Variants in ICE1 observed in about 807,000 individuals in gnomAD.
The protein encoded by ICE1 is interactor of little elongation complex ELL subunit 1, also known as little elongation complex subunit 1.
In ICE1, 64 loss-of-function variants were observed where a neutral mutation model predicts 192.7. That is an observed-to-expected ratio of 0.33 (90% CI 0.27 to 0.41). The LOEUF is 0.41. ICE1 is among the 10% of genes least tolerant of loss of function. ICE1 has a pLI of 1.00. For synonymous variants in ICE1, 1,010 were observed against 984.5 expected, an observed-to-expected ratio of 1.03 and a Z score of -0.49; for missense variants, 2,708 against 2,696.0, an observed-to-expected ratio of 1.00 and a Z score of -0.10.
intron 11 of ICE1, among the ~76,000 whole-genome samples, chr5:5,456,680 G>A (rs1738591978): frequency 6.6e-6 from 1 of 151,990 alleles, no homozygotes; most frequent in Non-Finnish European, 1.5e-5. Context: ...CCTATCCAAG[G>A]AGCCCTGGAT....
At position 5,461,155 on chromosome 5, in the gene ICE1, A is replaced by T. The variant is rs1455815104; in HGVS notation, c.1821A>T (p.Ser607=). Residue 607 remains serine (S), a synonymous_variant, in exon 13 of 19, where the codon TCA becomes TCT. Transcript: ENST00000296564. ...EDTQGFTLGE[S]PESEDDDSGD... is the part of the protein sequence containing the mutation. Reference sequence around the variant, plus strand: ...CTCAAGGGTTCACTTTAGGAGAATCACCTGAATCAGAAGATGATGACTCAG... The same window carrying T: ...CTCAAGGGTTCACTTTAGGAGAATCTCCTGAATCAGAAGATGATGACTCAG... 1 of 1,613,936 alleles carries T rather than the reference A, an allele frequency of 6.2e-7. No individual in the cohort carries two copies. Among genetic ancestry groups the T allele is most frequent in the African/African-American group, 1.3e-5 (1 of 74,948 alleles).
intron 17 of ICE1, among the ~76,000 whole-genome samples, chr5:5,477,553 G>C (rs923323795): frequency 6.6e-6 from 1 of 152,152 alleles, no homozygotes; most frequent in Non-Finnish European, 1.5e-5. Flanking sequence ...AATTTTACCA[G>C]AGGTACAAAG....
chr5:5,483,162 T>C (rs1361965137), intron 17 of ICE1, among the ~76,000 whole-genome samples: 2 of 151,978 alleles, frequency 1.3e-5, no homozygotes, highest in Admixed American at 1.3e-4. Context: ...GGCTAATTTT[T>C]TGTTGTTTTT....
In ICE1 at chr5:5,473,645, A is replaced by G; in HGVS notation, c.6310A>G (p.Lys2104Glu). 6.2e-7 allele frequency: 1 copy of G among 1,613,592 alleles called. No individual in the cohort carries two copies. Residue 2104 changes from lysine to glutamate, a missense_variant, in exon 16 of 19, where the codon AAA becomes GAA. Physicochemically the swap from Lys to Glu is moderately conservative, Grantham distance 56. Coordinates refer to ENST00000296564, the MANE Select transcript of ICE1 (RefSeq NM_015325.3). ...CPKTEFQPSE[K>E]FGEDLSDNTW... ...AAAAACAGAATTTCAACCTAGTGAA[A>G]AATTTGGTGAAGACCTAAGTGATAA...
In ICE1 at chr5:5,462,628, A is replaced by T. The variant is rs746261935; in HGVS notation, c.3294A>T (p.Thr1098=). 1 of 1,613,984 alleles carries T rather than the reference A, an allele frequency of 6.2e-7. No homozygotes were observed. Among genetic ancestry groups the T allele is most frequent in the Admixed American group, 1.7e-5 (1 of 60,022 alleles). ...SSLPGTLHCY[T]GIREGGDDTE... Reference sequence around the variant, plus strand: ...TGCCTGGTACCTTACATTGTTACACAGGCATTCGAGAGGGGGGAGACGACA... The same window carrying T: ...TGCCTGGTACCTTACATTGTTACACTGGCATTCGAGAGGGGGGAGACGACA... Residue 1098 remains threonine, a synonymous_variant, in exon 13 of 19, where the codon ACA becomes ACT. Coordinates refer to ENST00000296564, the MANE Select transcript of ICE1 (RefSeq NM_015325.3).
At chr5:5,434,882 T>C (rs1737824586) in intron 1 of ICE1, among the ~76,000 whole-genome samples, 1 of 152,218 alleles carries the variant, frequency 6.6e-6, no homozygotes, top group African/African-American at 2.4e-5. Flanking sequence ...CATTTCCTGA[T>C]ATGAAAAAGG....
intron 17 of ICE1, among the ~76,000 whole-genome samples, chr5:5,481,418 G>T (rs1739501780): frequency 6.6e-6 from 1 of 152,104 alleles, no homozygotes; most frequent in South Asian, 2.1e-4. Context: ...TGCGTTTATA[G>T]AGGAGGGTCA....
intron 18 of ICE1, among the ~76,000 whole-genome samples, chr5:5,487,823 A>G (rs1739673214): frequency 2.6e-5 from 4 of 152,184 alleles, no homozygotes; most frequent in Admixed American, 2.6e-4. Context: ...GGCCTGCTAT[A>G]GATTAGACCT....
At chr5:5,473,412 A>G (rs1307046450) in intron 15 of ICE1, 146 bp from the exon 16 acceptor site, 1 of 693,022 alleles carries the variant, frequency 1.4e-6, no homozygotes, top group South Asian at 2.0e-5. Flanking sequence ...TAAGATAAAC[A>G]TGGTTCCTTA....
In ICE1 at chr5:5,464,139, A is replaced by C; in HGVS notation, c.4805A>C (p.Gln1602Pro). Residue 1602 changes from glutamine (Q) to proline (P), a missense_variant, in exon 13 of 19, where the codon CAG becomes CCG. Coordinates refer to ENST00000296564, the MANE Select transcript of ICE1 (RefSeq NM_015325.3). This position sits in a 1 kb window ranked among gnomAD's most constrained non-coding sequence, Gnocchi z 4.0. ...ANTKTQRSQT[Q>P]TILANADTST... ...ACAAAAACTCAAAGAAGCCAAACTCAGACCATTTTAGCAAATGCTGATACA... is the reference window on the plus strand; with the variant it reads ...ACAAAAACTCAAAGAAGCCAAACTCCGACCATTTTAGCAAATGCTGATACA... 2 of 1,613,666 alleles carry C rather than the reference A, an allele frequency of 1.2e-6. No homozygotes were observed. Among genetic ancestry groups the C allele is most frequent in the Non-Finnish European group, 1.7e-6 (2 of 1,179,890 alleles).
At chr5:5,454,355 A>C (rs1303925330) in intron 10 of ICE1, among the ~76,000 whole-genome samples, 197 bp from the exon 11 acceptor site, 2 of 152,190 alleles carry the variant, frequency 1.3e-5, no homozygotes, top group Non-Finnish European at 2.9e-5. Context: ...AAGTACCTTC[A>C]GCCTTCAATT....
intron 3 of ICE1, 24 bp downstream of exon 3, chr5:5,437,138 G>A: frequency 6.6e-7 from 1 of 1,515,660 alleles, no homozygotes; most frequent in African/African-American, 1.4e-5. Context: ...GGCTTTTTCT[G>A]TTGAGTTTTG....
chr5:5,459,683 G>A (rs1221155560), intron 12 of ICE1, among the ~76,000 whole-genome samples: 1 of 152,200 alleles, frequency 6.6e-6, no homozygotes, highest in Non-Finnish European at 1.5e-5. Flanking sequence ...TTCACTAGGA[G>A]CAAGTTGATG....
Position 5,463,393 on chromosome 5 carries a change from C to G in ICE1, c.4059C>G (p.Gly1353=), listed in dbSNP as rs921168804. 1.5e-5 allele frequency: 25 copies of G among 1,613,790 alleles called. No individual in the cohort carries two copies. The highest frequency in any genetic ancestry group is 2.1e-5 in the Non-Finnish European group (25 of 1,179,830). The change falls in exon 13 of 19, where the codon GGC becomes GGG. Residue 1353 remains glycine, a synonymous_variant. Coordinates refer to ENST00000296564, the MANE Select transcript of ICE1 (RefSeq NM_015325.3). ...GACCAGAGGCCCGTTCAGATGCAGG[C>G]AGGCAAACCGATGGTGGGGAAGAAG... is the stretch of plus-strand genomic sequence containing the variant. ...QSRPEARSDA[G]RQTDGGEEDL...
At position 5,454,597 on chromosome 5, in the gene ICE1, C is replaced by T; in HGVS notation, c.650C>T (p.Thr217Ile). The change falls in exon 11 of 19, where the codon ACA becomes ATA. Residue 217 changes from threonine to isoleucine, a missense_variant. Around this residue, in one of 2 missense-constraint regions of ICE1, gnomAD observed 2,366 missense variants for 2,276.6 expected, o/e 1.04. Coordinates refer to ENST00000296564, the MANE Select transcript of ICE1 (RefSeq NM_015325.3). ...LLKELWLCVN[T>I]THRLPGEGSR... The stretch of plus-strand genomic sequence containing the variant: ...AAGGAACTCTGGCTCTGTGTAAACA[C>T]AACACACAGACTACCTGGTGAAGGC... 3 of 1,613,544 alleles carry T rather than the reference C, an allele frequency of 1.9e-6. No homozygotes were observed. Among genetic ancestry groups the T allele is most frequent in the Non-Finnish European group, 2.5e-6 (3 of 1,179,660 alleles).
At chr5:5,423,056 A>G (rs1296982249) in intron 1 of ICE1, 57 bp downstream of exon 1, 3 of 1,229,414 alleles carry the variant, frequency 2.4e-6, no homozygotes, top group South Asian at 4.5e-5. Flanking sequence ...GCCGGCCGGG[A>G]GCGCAGGGAT....
intron 17 of ICE1, among the ~76,000 whole-genome samples, chr5:5,477,723 G>A (rs538274712): frequency 9.9e-5 from 15 of 152,214 alleles, no homozygotes; most frequent in Non-Finnish European, 1.6e-4. Context: ...ACATCGATGC[G>A]AAAATCCTCA....
chr5:5,438,668 C>T (rs1737950846), intron 3 of ICE1, among the ~76,000 whole-genome samples: 2 of 152,158 alleles, frequency 1.3e-5, no homozygotes, highest in Admixed American at 6.5e-5. Context: ...AATATGCACA[C>T]TCTTTGAGTT....
intron 17 of ICE1, among the ~76,000 whole-genome samples, chr5:5,484,174 G>C (rs1739577249): frequency 6.6e-6 from 1 of 152,124 alleles, no homozygotes; most frequent in Non-Finnish European, 1.5e-5. Flanking sequence ...TGTCATCTCT[G>C]TCAGGTCATC....
Sources: gnomAD v4.1 joint callset for allele counts (sites outside exome capture counted in the v4.1 genomes callset) on GRCh38, gnomAD v4.1.1 for gene constraint, gnomAD v4.1.1 regional missense constraint, Gnocchi (gnomAD v3.1) non-coding constraint, MANE v1.5 for transcripts, NCBI Gene and HGNC (gene_info 2026-07-23, HGNC 2026-07-21) for gene names.